Variants in SPTBN1 observed in about 807,000 individuals in gnomAD.
SPTBN1 encodes spectrin beta chain, non-erythrocytic 1.
SPTBN1 carries 32 observed loss-of-function variants against 266.4 expected under a neutral mutation model. The ratio of observed to expected loss-of-function variants is 0.12; its 90% CI spans 0.09 to 0.16. The LOEUF (loss-of-function observed/expected upper bound fraction) is 0.16. Ranked by LOEUF, SPTBN1 falls within the 10% of genes least tolerant of loss-of-function variation. The probability of loss-of-function intolerance (pLI) is 1.00; values close to 1 mark genes in which losing one functional copy is unlikely to be tolerated. For missense variants in SPTBN1, 2,296 were observed against 3,067.1 expected (o/e 0.75, Z 5.94); for synonymous variants, 1,336 against 1,162.2 (o/e 1.15, Z -3.04).
At position 54,610,381 on chromosome 2, in the gene SPTBN1, A is replaced by G. The variant is rs141746665; in HGVS notation, c.301-1780A>G. ...ATTAGTCCTTAGGTATGCCTCTCTT[A>G]TGGCAATCCTGCACTCACATAAAAG... On this transcript the variant is annotated intron_variant, in intron 3 of 35. Transcript: ENST00000356805. Among the ~76,000 whole-genome samples the G allele has an allele frequency of 2.6e-3, 397 of 152,074 alleles. 1 individual carries two copies. Among genetic ancestry groups the G allele is most frequent in the African/African-American group, 9.1e-3 (377 of 41,384 alleles).
rs56027497 is a variant in SPTBN1 at position 54,533,349 on chromosome 2, A to AGT, written c.148+6828_148+6829dup. On this transcript the variant is annotated intron_variant, in intron 2 of 35. Coordinates refer to ENST00000356805, the MANE Select transcript of SPTBN1 (RefSeq NM_003128.3). The surrounding 1 kb of genome is among the most constrained non-coding windows in gnomAD (Gnocchi z 4.2). ...AGTGAAACCCAGGCTAAAGGGGACT[A>AGT]GTGTGTGTGTGTGTGTGTGTGTGTG... 0.086 allele frequency among the ~76,000 whole-genome samples: 12,241 copies of AGT among 141,764 alleles called. 523 individuals are homozygous for AGT. The highest frequency in any genetic ancestry group is 0.1 in the Middle Eastern group (29 of 280). 93.0% of individuals were successfully genotyped at this position (141,764 alleles called of 152,430 possible).
intron 2 of SPTBN1, among the ~76,000 whole-genome samples, chr2:54,551,916 T>C (rs1265891955): frequency 1.3e-5 from 2 of 152,228 alleles, no homozygotes; most frequent in Non-Finnish European, 2.9e-5. Flanking sequence ...AATATAGGAC[T>C]TCTGTAACTT....
At chr2:54,641,592 T>C (rs1558459782) in intron 18 of SPTBN1, among the ~76,000 whole-genome samples, 2 of 152,208 alleles carry the variant, frequency 1.3e-5, no homozygotes, top group Non-Finnish European at 2.9e-5. Flanking sequence ...ACAAAGGACT[T>C]TATGAGATTT....
rs889454260 is a variant in SPTBN1, at chr2:54,628,733, A to G, written c.1799-200A>G. 6.6e-6 allele frequency among the ~76,000 whole-genome samples: 1 copy of G among 152,182 alleles called. No individual in the cohort carries two copies. The highest frequency in any genetic ancestry group is 1.5e-5 in the Non-Finnish European group (1 of 68,042). On this transcript the variant is annotated intron_variant, in intron 13 of 35. Transcript: ENST00000356805. The surrounding 1 kb of genome is among the most constrained non-coding windows in gnomAD (Gnocchi z 4.3). ...GTCTGCGGTTTGGCCAAAAAAAAAT[A>G]ATGTTTATCATTGCCCTCACTCCTG...
chr2:54,487,627 A>T (rs924458113), intron 1 of SPTBN1, among the ~76,000 whole-genome samples: 1 of 152,112 alleles, frequency 6.6e-6, no homozygotes, highest in African/African-American at 2.4e-5. Context: ...ATAATTATTA[A>T]TGTCAGTCTA....
chr2:54,536,194 G>C (rs980653393), intron 2 of SPTBN1, among the ~76,000 whole-genome samples: 1 of 152,234 alleles, frequency 6.6e-6, no homozygotes, highest in African/African-American at 2.4e-5. Context: ...AAGTGGACCT[G>C]TGAGAAAGTA....
At chr2:54,504,439 C>T (rs1219238898) in intron 1 of SPTBN1, among the ~76,000 whole-genome samples, 1 of 152,258 alleles carries the variant, frequency 6.6e-6, no homozygotes, top group East Asian at 1.9e-4. Flanking sequence ...GCTTCTGCAT[C>T]TGTGAATTCA....
At chr2:54,552,221 GAA>G (rs1672615321) in intron 2 of SPTBN1, among the ~76,000 whole-genome samples, 1 of 152,192 alleles carries the variant, frequency 6.6e-6, no homozygotes, top group South Asian at 2.1e-4. Context: ...AAGTGGGATA[GAA>G]TTAATTTTTG....
intron 1 of SPTBN1, among the ~76,000 whole-genome samples, chr2:54,496,931 C>A (rs780427220): frequency 2.0e-5 from 3 of 152,200 alleles, no homozygotes; most frequent in Non-Finnish European, 4.4e-5. Flanking sequence ...AACTATGTGT[C>A]CTGTAATAGG....
chr2:54,661,925 A>G (rs1375778059), intron 32 of SPTBN1: 2 of 985,296 alleles, frequency 2.0e-6, no homozygotes, highest in Non-Finnish European at 2.4e-6. Flanking sequence ...TGTCATAACA[A>G]AATTTTAATT....
intron 1 of SPTBN1, among the ~76,000 whole-genome samples, chr2:54,519,896 G>A (rs188948485): frequency 1.2e-4 from 19 of 152,246 alleles, no homozygotes; most frequent in Non-Finnish European, 2.4e-4. Context: ...TGACTGCGAA[G>A]GTTTGTGTCT....
chr2:54,472,893 T>A (rs1292566435), intron 1 of SPTBN1, among the ~76,000 whole-genome samples: 2 of 152,182 alleles, frequency 1.3e-5, no homozygotes, highest in Non-Finnish European at 2.9e-5. Flanking sequence ...AAACAGTGAG[T>A]TAACTTTATT....
rs1189569041 is a variant in SPTBN1 at position 54,533,349 on chromosome 2, AG to A, written c.148+6784del. Reference sequence around the variant, plus strand: ...AGTGAAACCCAGGCTAAAGGGGACTAGTGTGTGTGTGTGTGTGTGTGTGTGT... The same window carrying A: ...AGTGAAACCCAGGCTAAAGGGGACTATGTGTGTGTGTGTGTGTGTGTGTGT... On this transcript the variant is annotated intron_variant, in intron 2 of 35. Coordinates refer to ENST00000356805, the MANE Select transcript of SPTBN1 (RefSeq NM_003128.3). This position sits in a 1 kb window ranked among gnomAD's most constrained non-coding sequence, Gnocchi z 4.2. 2.5e-3 allele frequency among the ~76,000 whole-genome samples: 351 copies of A among 141,968 alleles called. 1 individual carries two copies. The highest frequency in any genetic ancestry group is 9.1e-3 in the African/African-American group (344 of 37,804). 93.1% of individuals were successfully genotyped at this position (141,968 alleles called of 152,430 possible).
At chr2:54,529,730 G>T in intron 2 of SPTBN1, 1 of 703,532 alleles carries the variant, frequency 1.4e-6, no homozygotes, top group Non-Finnish European at 2.6e-6. Context: ...CACCCTGATG[G>T]AGAGATGAAG....
intron 3 of SPTBN1, among the ~76,000 whole-genome samples, chr2:54,603,421 A>G (rs1264944644): frequency 6.6e-6 from 1 of 152,166 alleles, no homozygotes. Flanking sequence ...CTTACAGTCT[A>G]ATGAAGTGGG....
At chr2:54,639,512 G>A (rs1049521849) in intron 18 of SPTBN1, among the ~76,000 whole-genome samples, 1 of 152,200 alleles carries the variant, frequency 6.6e-6, no homozygotes, top group African/African-American at 2.4e-5. Context: ...AAGAAGACCA[G>A]GGAGTGAGCA....
At chr2:54,632,077 TAAAA>T (rs34563622) in intron 16 of SPTBN1, among the ~76,000 whole-genome samples, 4 of 120,854 alleles carry the variant, frequency 3.3e-5, no homozygotes, top group Non-Finnish European at 5.2e-5. Context: ...CCCTGTCTCT[TAAAA>T]AAAAAAAAAA....
chr2:54,501,205 C>T (rs1669248767), intron 1 of SPTBN1, among the ~76,000 whole-genome samples: 1 of 152,210 alleles, frequency 6.6e-6, no homozygotes, highest in Non-Finnish European at 1.5e-5. Context: ...CTTCCTGTCC[C>T]CTTTACCCGA....
chr2:54,522,759 C>T (rs967882133), intron 1 of SPTBN1, among the ~76,000 whole-genome samples: 2 of 150,190 alleles, frequency 1.3e-5, no homozygotes, highest in African/African-American at 4.9e-5. Flanking sequence ...GTTGTTGGTT[C>T]AGTGATAGAA....
Sources: gnomAD v4.1 joint callset for allele counts (sites outside exome capture counted in the v4.1 genomes callset) on GRCh38, gnomAD v4.1.1 for gene constraint, Gnocchi (gnomAD v3.1) non-coding constraint, MANE v1.5 for transcripts, NCBI Gene and HGNC (gene_info 2026-07-23, HGNC 2026-07-21) for gene names.